ACCSL: variants seen among roughly 807,000 people sequenced by gnomAD.
The protein encoded by ACCSL is probable inactive 1-aminocyclopropane-1-carboxylate synthase-like protein 2.
Under a neutral mutation model 61.7 loss-of-function variants are expected in ACCSL, and 55 were observed. The observed-to-expected ratio is 0.89, with a 90% CI of 0.72 to 1.12. The LOEUF is 1.12. Among genes scored for constraint, ACCSL ranks in the 50% most tolerant of loss-of-function variants. ACCSL has a pLI of 0.00. For missense variants in ACCSL, 632 were observed against 698.0 expected (o/e 0.91, Z 1.07); for synonymous variants, 258 against 264.3 (o/e 0.98, Z 0.23).
At chr11:44,003,242 G>A in the ACCSL span, among the ~76,000 whole-genome samples, 1 of 152,190 alleles carries the variant, frequency 6.6e-6, no homozygotes, top group South Asian at 2.1e-4. Flanking sequence ...GAGAGGACAT[G>A]GTGTTTGCAG....
At chr11:44,039,461 C>A in the ACCSL span, among the ~76,000 whole-genome samples, 5 of 150,806 alleles carry the variant, frequency 3.3e-5, no homozygotes, top group African/African-American at 4.9e-5. Context: ...TATGAGGATG[C>A]AAAAGCATAA....
the ACCSL span, among the ~76,000 whole-genome samples, chr11:44,002,883 T>C: frequency 6.6e-6 from 1 of 152,112 alleles, no homozygotes; most frequent in Non-Finnish European, 1.5e-5. Flanking sequence ...CGGGAATGGC[T>C]GCATGGCCTT....
the ACCSL span, among the ~76,000 whole-genome samples, chr11:44,010,729 CA>C: frequency 1.3e-5 from 2 of 152,186 alleles, no homozygotes; most frequent in African/African-American, 4.8e-5. Flanking sequence ...TCTCCAAACT[CA>C]AAACCCTTTC....
At chr11:43,943,999 TC>T in the ACCSL span, 1 of 572,064 alleles carries the variant, frequency 1.7e-6, no homozygotes, top group Non-Finnish European at 2.6e-6. The surrounding 1 kb of genome is among the most constrained non-coding windows in gnomAD (Gnocchi z 4.8). Context: ...TGGAGCTACC[TC>T]CACAAGCTTC....
chr11:43,962,532 G>A, the ACCSL span, among the ~76,000 whole-genome samples: 1 of 152,210 alleles, frequency 6.6e-6, no homozygotes, highest in African/African-American at 2.4e-5. Context: ...CTGTGGCTCC[G>A]AGTCTTTCTC....
the ACCSL span, among the ~76,000 whole-genome samples, chr11:43,990,495 G>A: frequency 3.3e-5 from 5 of 152,038 alleles, no homozygotes; most frequent in Non-Finnish European, 7.4e-5. Flanking sequence ...TTCATGAAGT[G>A]GAACCCTCAT....
chr11:44,008,425 C>T, the ACCSL span, among the ~76,000 whole-genome samples: 1 of 152,246 alleles, frequency 6.6e-6, no homozygotes, highest in African/African-American at 2.4e-5. Context: ...CCTCCCAGGG[C>T]TCTCAGGGCA....
At chr11:43,956,426 A>AT in the ACCSL span, among the ~76,000 whole-genome samples, 58,858 of 149,596 alleles carry the variant, frequency 0.39, 11,849 homozygotes, top group Non-Finnish European at 0.45. Context: ...CACTGCTACA[A>AT]TTTTTTTTTT....
chr11:44,001,601 T>C, the ACCSL span, among the ~76,000 whole-genome samples: 1 of 151,790 alleles, frequency 6.6e-6, no homozygotes, highest in South Asian at 2.1e-4. Flanking sequence ...TAAATGGAGA[T>C]TCATTCATGC....
the ACCSL span, among the ~76,000 whole-genome samples, chr11:43,941,950 G>C: frequency 6.6e-6 from 1 of 152,116 alleles, no homozygotes; most frequent in African/African-American, 2.4e-5. Context: ...GGACTTGGGT[G>C]GGGGAGTGAG....
chr11:43,998,109 T>C, the ACCSL span, among the ~76,000 whole-genome samples: 2 of 152,158 alleles, frequency 1.3e-5, no homozygotes, highest in East Asian at 1.9e-4. Flanking sequence ...CAAATTCCCA[T>C]TGGTGTAAAG....
At chr11:43,926,047 T>C in the ACCSL span, among the ~76,000 whole-genome samples, 95,371 of 151,940 alleles carry the variant, frequency 0.63, 30,495 homozygotes, top group East Asian at 0.9. Flanking sequence ...GGTGCCCTCG[T>C]GTCTGTTGCA....
At chr11:44,035,917 C>T in the ACCSL span, among the ~76,000 whole-genome samples, 2 of 127,144 alleles carry the variant, frequency 1.6e-5, no homozygotes, top group Non-Finnish European at 3.2e-5. Context: ...CAGCCTGAGC[C>T]ATAGAGTGAG....
chr11:43,997,573 C>A, the ACCSL span, among the ~76,000 whole-genome samples: 1 of 152,158 alleles, frequency 6.6e-6, no homozygotes, highest in African/African-American at 2.4e-5. Flanking sequence ...CATCCCTTAA[C>A]TATTGTTTCA....
upstream of ACCSL, among the ~76,000 whole-genome samples, chr11:44,043,172 A>G (rs1026991186): frequency 6.6e-6 from 1 of 152,190 alleles, no homozygotes; most frequent in Non-Finnish European, 1.5e-5. Context: ...GATAAGATTC[A>G]TAAGTATACC....
chr11:43,976,144 C>A, the ACCSL span, among the ~76,000 whole-genome samples: 1 of 152,212 alleles, frequency 6.6e-6, no homozygotes, highest in Non-Finnish European at 1.5e-5. Flanking sequence ...GCCTCATCTA[C>A]ACCTGGACTT....
At chr11:43,943,108 G>T in the ACCSL span, 1 of 1,500,376 alleles carries the variant, frequency 6.7e-7, no homozygotes, top group Non-Finnish European at 8.9e-7. The surrounding 1 kb of genome is among the most constrained non-coding windows in gnomAD (Gnocchi z 4.8). Context: ...AGGTGGAGGA[G>T]GAGGGGGTGT....
chr11:43,954,071 C>T, the ACCSL span, among the ~76,000 whole-genome samples: 6 of 152,072 alleles, frequency 3.9e-5, no homozygotes, highest in African/African-American at 4.8e-5. Context: ...TTCTATGTCA[C>T]GGGACCATGA....
At chr11:43,957,210 A>C in the ACCSL span, among the ~76,000 whole-genome samples, 1 of 151,748 alleles carries the variant, frequency 6.6e-6, no homozygotes, top group Non-Finnish European at 1.5e-5. Flanking sequence ...GGCTTTATAC[A>C]TTTTAGGGAG....
Sources: gnomAD v4.1 joint callset for allele counts (sites outside exome capture counted in the v4.1 genomes callset) on GRCh38, gnomAD v4.1.1 for gene constraint, Gnocchi (gnomAD v3.1) non-coding constraint, MANE v1.5 for transcripts, NCBI Gene and HGNC (gene_info 2026-07-23, HGNC 2026-07-21) for gene names.